Variants in GAS7 observed in about 807,000 individuals in gnomAD.
GAS7 encodes growth arrest specific 7.
A neutral mutation model predicts 71.1 loss-of-function variants in GAS7; 28 were observed. That is an observed-to-expected ratio of 0.39 (90% CI 0.29 to 0.54). The LOEUF is 0.54. Among genes scored for constraint, GAS7 ranks in the 20% least tolerant of loss-of-function variants. The pLI is 0.62. For missense variants in GAS7, 436 were observed against 627.8 expected (o/e 0.69, Z 3.27); for synonymous variants, 258 against 245.8 (o/e 1.05, Z -0.46).
intron 1 of GAS7, among the ~76,000 whole-genome samples, chr17:10,168,562 C>T (rs146359999): frequency 2.7e-3 from 417 of 152,332 alleles, no homozygotes; most frequent in Non-Finnish European, 4.0e-3. Flanking sequence ...AGCCACAAAC[C>T]GCTGTAGGCC....
At chr17:10,040,297 G>A (rs1449794656) in intron 1 of GAS7, among the ~76,000 whole-genome samples, 1 of 152,182 alleles carries the variant, frequency 6.6e-6, no homozygotes, top group East Asian at 1.9e-4. Context: ...TAGAGGCTGT[G>A]GGGGAAAAGC....
intron 2 of GAS7, among the ~76,000 whole-genome samples, chr17:9,987,224 G>A (rs1056214188): frequency 3.3e-5 from 5 of 152,204 alleles, no homozygotes; most frequent in African/African-American, 1.2e-4. Context: ...GGCCCCAGAG[G>A]TTCTAGGAGG....
At chr17:10,196,177 A>G (rs2074538910) in intron 1 of GAS7, among the ~76,000 whole-genome samples, 1 of 152,126 alleles carries the variant, frequency 6.6e-6, no homozygotes, top group Non-Finnish European at 1.5e-5. Flanking sequence ...TGTTTGGCAT[A>G]GTTGAGCCCG....
chr17:9,981,818 G>A lies in GAS7; in HGVS notation c.371C>T (p.Ser124Phe). 6.3e-7 allele frequency: 1 copy of A among 1,592,264 alleles called. No individual in the cohort carries two copies. Among genetic ancestry groups the A allele is most frequent in the Non-Finnish European group, 8.6e-7 (1 of 1,160,070 alleles). Residue 124 changes from serine (S) to phenylalanine (F), a missense_variant, in exon 3 of 14, where the codon TCT becomes TTT. Physicochemically the swap from Ser to Phe is radical, Grantham distance 155. Transcript: ENST00000432992. This position sits in a 1 kb window ranked among gnomAD's most constrained non-coding sequence, Gnocchi z 4.4. ...IPASPGSHRS[S>F]LPPTVNGYHA... ...GCGGACATTACCTGTTGGAGGCAGA[G>A]AGCTCCTGTGAGAGCCAGGGCTGGC...
chr17:9,996,141 A>G lies in GAS7; in HGVS notation c.305-14257T>C, dbSNP rs892481153. ...CATGCACACGTACGTTTATTGTGGC[A>G]CTATTCACAATAGCAAAGACTTGGA... On this transcript the variant is annotated intron_variant, in intron 2 of 13. Coordinates refer to ENST00000432992, the MANE Select transcript of GAS7 (RefSeq NM_201433.2). Among the ~76,000 whole-genome samples the G allele has an allele frequency of 3.3e-5, 5 of 152,220 alleles. 1 individual carries two copies. Among genetic ancestry groups the G allele is most frequent in the African/African-American group, 1.2e-4 (5 of 41,452 alleles).
At chr17:9,935,699 T>C (rs1236777240) in intron 8 of GAS7, among the ~76,000 whole-genome samples, 1 of 152,154 alleles carries the variant, frequency 6.6e-6, no homozygotes, top group Non-Finnish European at 1.5e-5. Context: ...TGGGTGTTTA[T>C]GGGAAATGAC....
intron 5 of GAS7, chr17:9,958,965 C>T: frequency 1.4e-6 from 2 of 1,406,552 alleles, no homozygotes; most frequent in Non-Finnish European, 9.2e-7. Flanking sequence ...TGCATCATCC[C>T]AGCCATCCTC....
intron 1 of GAS7, among the ~76,000 whole-genome samples, chr17:10,052,120 AT>A (rs2073070618): frequency 6.6e-6 from 1 of 152,032 alleles, no homozygotes; most frequent in Non-Finnish European, 1.5e-5. Context: ...CGATTCCTCC[AT>A]TTACAATCAT....
intron 1 of GAS7, among the ~76,000 whole-genome samples, chr17:10,102,225 A>C (rs1314336362): frequency 6.6e-6 from 1 of 151,262 alleles, no homozygotes; most frequent in Non-Finnish European, 1.5e-5. Flanking sequence ...AAAAAAAAAA[A>C]AAAAAAGAAT....
intron 8 of GAS7, among the ~76,000 whole-genome samples, chr17:9,939,699 T>G (rs1166255006): frequency 6.6e-6 from 1 of 151,784 alleles, no homozygotes; most frequent in Admixed American, 6.6e-5. Flanking sequence ...AAGCTCCACC[T>G]CCTGGGTTCA....
chr17:9,962,779 G>A (rs928736137), intron 4 of GAS7, among the ~76,000 whole-genome samples: 2 of 152,154 alleles, frequency 1.3e-5, no homozygotes, highest in African/African-American at 4.8e-5. Context: ...AATTAGAAAG[G>A]GAAAATGTAC....
chr17:10,087,643 C>A (rs1405228564), intron 1 of GAS7, among the ~76,000 whole-genome samples: 1 of 152,200 alleles, frequency 6.6e-6, no homozygotes, highest in Non-Finnish European at 1.5e-5. Context: ...CCGAACACAG[C>A]CAGGACTGTT....
At chr17:9,989,662 G>A (rs896933241) in intron 2 of GAS7, among the ~76,000 whole-genome samples, 1 of 152,134 alleles carries the variant, frequency 6.6e-6, no homozygotes, top group Non-Finnish European at 1.5e-5. Flanking sequence ...AGCAAGGAAG[G>A]GGGATAGAAA....
chr17:10,064,646 G>A (rs184490167), intron 1 of GAS7, among the ~76,000 whole-genome samples: 3 of 152,298 alleles, frequency 2.0e-5, no homozygotes, highest in East Asian at 1.9e-4. Flanking sequence ...TGATGGTCAC[G>A]CTGACAACTC....
In GAS7 at chr17:10,034,469, T is replaced by C. The variant is rs1368927388; in HGVS notation, c.184-14572A>G. Among the ~76,000 whole-genome samples, 3 of 151,914 alleles carry C rather than the reference T, an allele frequency of 2.0e-5. No homozygotes were observed. Among genetic ancestry groups the C allele is most frequent in the Non-Finnish European group, 1.5e-5 (1 of 67,988 alleles). ...GATTACAGGCACCTATCACCACGCC[T>C]GGCTAATTTTTGTATTTTTAGTAGA... is the stretch of plus-strand genomic sequence containing the variant. On this transcript the variant is annotated intron_variant, in intron 1 of 13. Transcript: ENST00000432992. This position sits in a 1 kb window ranked among gnomAD's most constrained non-coding sequence, Gnocchi z 4.4.
intron 1 of GAS7, among the ~76,000 whole-genome samples, chr17:10,081,733 T>C (rs1567583940): frequency 6.6e-6 from 1 of 152,174 alleles, no homozygotes; most frequent in Non-Finnish European, 1.5e-5. Flanking sequence ...AGGTGTGGTA[T>C]TTCACACCCT....
intron 1 of GAS7, among the ~76,000 whole-genome samples, chr17:10,063,917 C>T (rs2073249285): frequency 6.6e-6 from 1 of 152,120 alleles, no homozygotes; most frequent in Non-Finnish European, 1.5e-5. Flanking sequence ...TTCTTTGTTG[C>T]CTCAATGCCC....
intron 8 of GAS7, among the ~76,000 whole-genome samples, chr17:9,936,087 C>T (rs918399613): frequency 3.3e-5 from 5 of 152,184 alleles, no homozygotes; most frequent in African/African-American, 1.2e-4. Context: ...GACAACCGTA[C>T]ATCCACAGGA....
At chr17:10,198,070 A>C (rs994237740) in intron 1 of GAS7, 138 bp downstream of exon 1, 267 of 737,948 alleles carry the variant, frequency 3.6e-4, no homozygotes, top group Non-Finnish European at 5.0e-4. Flanking sequence ...GTGGAGCTAC[A>C]GGTAGCGCCG....
Sources: gnomAD v4.1 joint callset for allele counts (sites outside exome capture counted in the v4.1 genomes callset) on GRCh38, gnomAD v4.1.1 for gene constraint, Gnocchi (gnomAD v3.1) non-coding constraint, MANE v1.5 for transcripts, NCBI Gene and HGNC (gene_info 2026-07-23, HGNC 2026-07-21) for gene names.